The following SGCG variants were observed in gnomAD, a reference collection of about 807,000 sequenced individuals.
SGCG encodes the protein sarcoglycan gamma, also known as gamma-sarcoglycan.
Under a neutral mutation model 29.3 loss-of-function variants are expected in SGCG, and 26 were observed. The observed-to-expected ratio is 0.89, with a 90% confidence interval of 0.65 to 1.23. The LOEUF (loss-of-function observed/expected upper bound fraction) is 1.23. Among genes scored for constraint, SGCG ranks in the 50% most tolerant of loss-of-function variants. The pLI is 0.00. For synonymous variants in SGCG, 145 were observed against 129.7 expected, an observed-to-expected ratio of 1.12 and a Z score of -0.80; for missense variants, 353 against 356.0, an observed-to-expected ratio of 0.99 and a Z score of 0.07.
intron 6 of SGCG, among the ~76,000 whole-genome samples, chr13:23,298,074 A>T (rs988032667): frequency 2.0e-5 from 3 of 149,640 alleles, no homozygotes; most frequent in African/African-American, 7.3e-5. Context: ...GTTATTATAC[A>T]GCCGGCCATG....
chr13:23,226,452 CATCTT>C (rs72241986), intron 2 of SGCG, among the ~76,000 whole-genome samples: 12,838 of 151,264 alleles, frequency 0.085, 643 homozygotes, highest in Non-Finnish European at 0.11. Flanking sequence ...TGATGAAAGA[CATCTT>C]AAATTAAATA....
chr13:23,214,040 T>A (rs1878333769), intron 2 of SGCG, among the ~76,000 whole-genome samples: 1 of 152,224 alleles, frequency 6.6e-6, no homozygotes, highest in African/African-American at 2.4e-5. Context: ...TTGACCCTTC[T>A]GGTCTTAAAG....
At chr13:23,162,647 A>G in the SGCG span, among the ~76,000 whole-genome samples, 2 of 151,764 alleles carry the variant, frequency 1.3e-5, no homozygotes, top group Non-Finnish European at 2.9e-5. Context: ...CCTGGGCATC[A>G]TGGTGAAACC....
chr13:23,193,241 G>A (rs1461851491), intron 1 of SGCG, among the ~76,000 whole-genome samples: 3 of 152,206 alleles, frequency 2.0e-5, no homozygotes, highest in Non-Finnish European at 4.4e-5. Context: ...GGCACAGTGA[G>A]GTGAGATGGA....
At chr13:23,289,228 GTC>G (rs570022920) in intron 5 of SGCG, among the ~76,000 whole-genome samples, 3 of 152,230 alleles carry the variant, frequency 2.0e-5, no homozygotes, top group Non-Finnish European at 4.4e-5. Context: ...CCGTGCTGCA[GTC>G]CATGGTATTT....
At chr13:23,250,782 A>C in intron 4 of SGCG, 65 bp downstream of exon 4, 1 of 929,738 alleles carries the variant, frequency 1.1e-6, no homozygotes, top group Non-Finnish European at 1.8e-6. Flanking sequence ...AAATGAATGC[A>C]TTGTTTTTTC....
intron 4 of SGCG, among the ~76,000 whole-genome samples, chr13:23,261,300 C>CA (rs1163971815): frequency 6.6e-6 from 1 of 150,976 alleles, no homozygotes; most frequent in Non-Finnish European, 1.5e-5. Flanking sequence ...AGAGATAGAT[C>CA]AAAAAACAAA....
rs941098565 is a variant in SGCG, at chr13:23,223,833, G to A, written c.196-10778G>A. On this transcript the variant is annotated intron_variant, in intron 2 of 7. Transcript: ENST00000218867. ...ATACAAAAATTAGCCAGGTGTGGTGGTGCGTGCCTGTAATCCCAGCTACTC... is the reference window on the plus strand; with the variant it reads ...ATACAAAAATTAGCCAGGTGTGGTGATGCGTGCCTGTAATCCCAGCTACTC... Among the ~76,000 whole-genome samples, 4 of 152,144 alleles carry A rather than the reference G, an allele frequency of 2.6e-5. 1 individual carries two copies. The South Asian group carries it at 6.2e-4, about 24-fold the overall frequency.
upstream of SGCG, among the ~76,000 whole-genome samples, chr13:23,178,255 G>A (rs1454146911): frequency 6.6e-6 from 1 of 152,152 alleles, no homozygotes; most frequent in African/African-American, 2.4e-5. Flanking sequence ...TCCAAGTCAG[G>A]CAGGAGCAAG....
the SGCG span, among the ~76,000 whole-genome samples, chr13:23,172,939 A>G: frequency 2.0e-5 from 3 of 152,242 alleles, no homozygotes; most frequent in Admixed American, 1.3e-4. Flanking sequence ...TAGATTCTCA[A>G]CAAAGATATG....
the SGCG span, among the ~76,000 whole-genome samples, chr13:23,172,189 G>C: frequency 6.6e-6 from 1 of 152,160 alleles, no homozygotes; most frequent in Non-Finnish European, 1.5e-5. Context: ...GCCTTTGAGG[G>C]AGATGTCCAA....
intron 1 of SGCG, among the ~76,000 whole-genome samples, chr13:23,185,574 C>T (rs1229143600): frequency 2.0e-5 from 3 of 152,210 alleles, no homozygotes; most frequent in African/African-American, 7.2e-5. Flanking sequence ...TGGAGATATG[C>T]GTGCCATGTA....
At chr13:23,320,193 C>G (rs972423180) in intron 6 of SGCG, among the ~76,000 whole-genome samples, 1 of 152,158 alleles carries the variant, frequency 6.6e-6, no homozygotes, top group Non-Finnish European at 1.5e-5. Flanking sequence ...GAGGCCAAGC[C>G]AGGAGGACCT....
intron 2 of SGCG, among the ~76,000 whole-genome samples, chr13:23,225,635 T>A (rs752766049): frequency 6.6e-6 from 1 of 152,162 alleles, no homozygotes; most frequent in African/African-American, 2.4e-5. Flanking sequence ...TCTTCCATGC[T>A]CACCTCGTCC....
chr13:23,225,153 G>A (rs1250103279), intron 2 of SGCG, among the ~76,000 whole-genome samples: 1 of 152,102 alleles, frequency 6.6e-6, no homozygotes, highest in Non-Finnish European at 1.5e-5. Flanking sequence ...AGTGTTGGTA[G>A]GTTGAATGGT....
At chr13:23,245,101 C>G (rs1879654264) in intron 3 of SGCG, 1 of 152,338 alleles carries the variant, frequency 6.6e-6, no homozygotes, top group Non-Finnish European at 1.5e-5. Context: ...CTTCTCCTCC[C>G]ATTCCTCAGC....
intron 6 of SGCG, among the ~76,000 whole-genome samples, chr13:23,302,648 T>C (rs1283460511): frequency 7.4e-6 from 1 of 134,952 alleles, no homozygotes; most frequent in East Asian, 2.3e-4. Context: ...TTATTACATA[T>C]CAATTAAAAA....
chr13:23,272,133 C>G (rs770814048), intron 4 of SGCG, among the ~76,000 whole-genome samples: 41 of 152,206 alleles, frequency 2.7e-4, no homozygotes, highest in Non-Finnish European at 5.0e-4. Flanking sequence ...TCACACACCT[C>G]TAACTGATTT....
chr13:23,312,402 A>G (rs1306463816), intron 6 of SGCG, among the ~76,000 whole-genome samples: 1 of 152,236 alleles, frequency 6.6e-6, no homozygotes, highest in Non-Finnish European at 1.5e-5. Context: ...GAATAATTGT[A>G]CTTGAAGCCA....
Sources: allele counts gnomAD v4.1 joint callset (sites outside exome capture counted in the v4.1 genomes callset), GRCh38; gene constraint gnomAD v4.1.1; transcripts MANE v1.5; gene names NCBI Gene and HGNC (gene_info 2026-07-23, HGNC 2026-07-21).